RAP1GAP2: variants seen among roughly 807,000 people sequenced by gnomAD.
RAP1GAP2 encodes the protein RAP1 GTPase activating protein 2.
In RAP1GAP2, 27 loss-of-function variants were observed where a neutral mutation model predicts 95.0. The observed-to-expected ratio is 0.28, with a 90% CI of 0.21 to 0.39. The LOEUF (loss-of-function observed/expected upper bound fraction) is 0.39. Among genes scored for constraint, RAP1GAP2 ranks in the 10% least tolerant of loss-of-function variants. The probability of loss-of-function intolerance (pLI) is 1.00; values close to 1 mark genes in which losing one functional copy is unlikely to be tolerated. For synonymous variants in RAP1GAP2, 373 were observed against 380.9 expected (o/e 0.98, Z 0.24); for missense variants, 771 against 970.0 (o/e 0.79, Z 2.72).
intron 1 of RAP1GAP2, among the ~76,000 whole-genome samples, chr17:2,784,436 A>G (rs1237522284): frequency 1.3e-5 from 2 of 151,638 alleles, no homozygotes; most frequent in African/African-American, 4.9e-5. Context: ...ACACCTGGCT[A>G]ATTTTTGTAT....
In RAP1GAP2 at chr17:3,004,431, T is replaced by C. The variant is rs1022885246; in HGVS notation, c.1201-938T>C. Among the ~76,000 whole-genome samples, 28 of 152,240 alleles carry C rather than the reference T, an allele frequency of 1.8e-4. No homozygotes were observed. The highest frequency in any genetic ancestry group is 1.6e-3 in the Admixed American group (25 of 15,308). On this transcript the variant is annotated intron_variant, in intron 14 of 24. Transcript: ENST00000254695. The surrounding 1 kb of genome is among the most constrained non-coding windows in gnomAD (Gnocchi z 4.1). ...GCTCCACTTCACAGGCCGGGGAGGC[T>C]GGCAGCACGCCAGGGCTGGGCTCAC... is the stretch of plus-strand genomic sequence containing the variant.
At chr17:3,015,806 G>T (rs941863760) in intron 17 of RAP1GAP2, among the ~76,000 whole-genome samples, 1 of 144,842 alleles carries the variant, frequency 6.9e-6, no homozygotes, top group Non-Finnish European at 1.5e-5. Context: ...GGGTGACAGA[G>T]CTAGACTCTG....
intron 2 of RAP1GAP2, among the ~76,000 whole-genome samples, chr17:2,878,651 G>A (rs2073174721): frequency 6.6e-6 from 1 of 152,222 alleles, no homozygotes. Context: ...GAAGGGAGCA[G>A]GAGCCTCTCC....
intron 2 of RAP1GAP2, among the ~76,000 whole-genome samples, chr17:2,882,668 C>T (rs1023112761): frequency 6.6e-6 from 1 of 152,182 alleles, no homozygotes; most frequent in African/African-American, 2.4e-5. Flanking sequence ...TCAGCATGGT[C>T]CCTGTGTCTC....
chr17:2,859,898 G>T (rs1348751324), intron 2 of RAP1GAP2, among the ~76,000 whole-genome samples: 1 of 151,768 alleles, frequency 6.6e-6, no homozygotes, highest in Non-Finnish European at 1.5e-5. Context: ...AGTTCTAGAG[G>T]CACCATCAGA....
intron 1 of RAP1GAP2, among the ~76,000 whole-genome samples, chr17:2,789,760 C>T (rs1362487073): frequency 4.5e-4 from 53 of 118,866 alleles, no homozygotes; most frequent in African/African-American, 1.7e-3. Context: ...CCAGCTTGGG[C>T]GACAGAGTGA....
At position 2,998,318 on chromosome 17, in the gene RAP1GAP2, T is replaced by A. The variant is rs1466485391; in HGVS notation, c.1142T>A (p.Leu381Ter). ...CCAGACATGATAGCCTCCAATTTCTTACATGCCTACATCGTCGTGCAGGTC... is the reference window on the plus strand; with the variant it reads ...CCAGACATGATAGCCTCCAATTTCTAACATGCCTACATCGTCGTGCAGGTC... ...FVPDMIASNF[L>*]HAYIVVQVET... The change falls in exon 14 of 25, where the codon TTA becomes TAA. Residue 381 changes from leucine to a stop codon, truncating the protein, a stop_gained. Transcript: ENST00000254695. LOFTEE classifies it high-confidence loss of function. 6.2e-7 allele frequency: 1 copy of A among 1,613,942 alleles called. No individual in the cohort carries two copies. Among genetic ancestry groups the A allele is most frequent in the African/African-American group, 1.3e-5 (1 of 74,938 alleles).
intron 2 of RAP1GAP2, among the ~76,000 whole-genome samples, chr17:2,820,369 A>C (rs1024285685): frequency 1.3e-5 from 2 of 152,032 alleles, no homozygotes; most frequent in African/African-American, 4.8e-5. Context: ...GCCTGTAATC[A>C]CAGCACTTTG....
intron 1 of RAP1GAP2, among the ~76,000 whole-genome samples, chr17:2,756,320 G>T (rs1198336417): frequency 1.3e-5 from 2 of 152,358 alleles, no homozygotes; most frequent in East Asian, 3.9e-4. Flanking sequence ...GCAGGGGAGG[G>T]GTCCCCGTGT....
intron 3 of RAP1GAP2, among the ~76,000 whole-genome samples, chr17:2,953,166 T>C (rs1215185805): frequency 6.6e-6 from 1 of 152,084 alleles, no homozygotes; most frequent in Non-Finnish European, 1.5e-5. Context: ...TCCAGATCAT[T>C]TTCTATGAAT....
At chr17:2,880,919 G>C (rs1265181095) in intron 2 of RAP1GAP2, among the ~76,000 whole-genome samples, 3 of 152,108 alleles carry the variant, frequency 2.0e-5, no homozygotes, top group Non-Finnish European at 2.9e-5. Flanking sequence ...TTGAGGTCAG[G>C]AGTTCGAGAC....
intron 3 of RAP1GAP2, among the ~76,000 whole-genome samples, chr17:2,953,767 A>G (rs1434770735): frequency 6.6e-6 from 1 of 152,110 alleles, no homozygotes; most frequent in Non-Finnish European, 1.5e-5. Context: ...GAATCGCTTG[A>G]ACCCAGGAGG....
rs1301444268 is a variant in RAP1GAP2, at chr17:2,870,551, G to A, written c.81-34733G>A. On this transcript the variant is annotated intron_variant, in intron 2 of 24. Transcript: ENST00000254695. The surrounding 1 kb of genome is among the most constrained non-coding windows in gnomAD (Gnocchi z 4.4). ...TCAGTCCCACAAGGGAGACTGTAGA[G>A]ATATTAACGTTTAATATTTTTTTTG... 6.6e-6 allele frequency among the ~76,000 whole-genome samples: 1 copy of A among 152,218 alleles called. No homozygotes were observed. Among genetic ancestry groups the A allele is most frequent in the Non-Finnish European group, 1.5e-5 (1 of 68,048 alleles).
intron 8 of RAP1GAP2, among the ~76,000 whole-genome samples, chr17:2,967,802 A>G (rs2044682826): frequency 6.6e-6 from 1 of 152,322 alleles, no homozygotes; most frequent in East Asian, 1.9e-4. Flanking sequence ...CTACTGTCCA[A>G]ACTTCTTCCT....
chr17:2,786,194 C>T (rs1007314002), intron 1 of RAP1GAP2, among the ~76,000 whole-genome samples: 4 of 152,182 alleles, frequency 2.6e-5, no homozygotes, highest in African/African-American at 9.7e-5. Context: ...AGCCACCGCG[C>T]CCAGCCTGGA....
chr17:2,791,480 T>C (rs115414926), upstream of RAP1GAP2, among the ~76,000 whole-genome samples: 173 of 152,274 alleles, frequency 1.1e-3, no homozygotes, highest in African/African-American at 4.0e-3. Flanking sequence ...GGACCTTACT[T>C]TTCCTGTCTG....
chr17:2,815,022 CTGGACCCA>C (rs1328580896), intron 2 of RAP1GAP2, among the ~76,000 whole-genome samples: 7 of 152,150 alleles, frequency 4.6e-5, no homozygotes, highest in Non-Finnish European at 8.8e-5. Context: ...TGAACGTAGG[CTGGACCCA>C]TGGCTGCCCA....
Position 2,861,363 on chromosome 17 carries a change from C to T in RAP1GAP2, c.81-43921C>T, listed in dbSNP as rs115718667. ...TTTGCCTTCTTTACCTCTGGGTCTC[C>T]ATTGCCCAGAATAGGAGATGCTCAG... On this transcript the variant is annotated intron_variant, in intron 2 of 24. Coordinates refer to ENST00000254695, the MANE Select transcript of RAP1GAP2 (RefSeq NM_015085.5). Among the ~76,000 whole-genome samples the T allele has an allele frequency of 4.0e-3, 606 of 152,050 alleles. 7 individuals carry two copies. The highest frequency in any genetic ancestry group is 0.014 in the African/African-American group (564 of 41,456).
chr17:2,945,127 G>A (rs151253595), intron 3 of RAP1GAP2, among the ~76,000 whole-genome samples: 3,102 of 152,182 alleles, frequency 0.02, 113 homozygotes, highest in African/African-American at 0.07. Context: ...CACCCGCCTC[G>A]GCCTCCCAAA....
Sources: gnomAD v4.1 joint callset for allele counts (sites outside exome capture counted in the v4.1 genomes callset) on GRCh38, gnomAD v4.1.1 for gene constraint, Gnocchi (gnomAD v3.1) non-coding constraint, MANE v1.5 for transcripts, NCBI Gene and HGNC (gene_info 2026-07-23, HGNC 2026-07-21) for gene names.